Variants in LYST observed in about 807,000 individuals in gnomAD.
LYST encodes the protein lysosomal-trafficking regulator.
A neutral mutation model predicts 413.6 loss-of-function variants in LYST; 192 were observed. The observed-to-expected ratio is 0.46, with a 90% CI of 0.41 to 0.52. LYST has a LOEUF of 0.52. Among genes scored for constraint, LYST ranks in the 20% least tolerant of loss-of-function variants. The probability of loss-of-function intolerance (pLI) is 0.00; values close to 1 mark genes in which losing one functional copy is unlikely to be tolerated. For missense variants in LYST, 3,815 were observed against 4,499.9 expected (o/e 0.85, Z 4.35); for synonymous variants, 1,525 against 1,567.3 (o/e 0.97, Z 0.64).
At position 235,808,564 on chromosome 1, in the gene LYST, G is replaced by A. The variant is rs371808058; in HGVS notation, c.2254C>T (p.Leu752=). 6 of 1,613,824 alleles carry A rather than the reference G, an allele frequency of 3.7e-6. No homozygotes were observed. The highest frequency in any genetic ancestry group is 2.2e-5 in the East Asian group (1 of 44,880). ...GVELAHHCQH[L]SVTSAQSHVC... is the part of the protein sequence containing the mutation. ...TGACTTTGAGCTGAAGTAACGCTTA[G>A]GTGTTGACAATGATGTGCTAATTCA... The change falls in exon 5 of 53, where the codon CTA becomes TTA. Residue 752 remains leucine, a synonymous_variant. Coordinates refer to ENST00000389793, the MANE Select transcript of LYST (RefSeq NM_000081.4).
chr1:235,791,286 AAAAG>A (rs1165652554), intron 12 of LYST, among the ~76,000 whole-genome samples: 4 of 152,140 alleles, frequency 2.6e-5, no homozygotes, highest in Admixed American at 2.6e-4. Context: ...GTCTCAAAAA[AAAAG>A]AGAGAGAAAG....
At chr1:235,798,549 G>A (rs1224154425) in intron 10 of LYST, among the ~76,000 whole-genome samples, 1 of 118,770 alleles carries the variant, frequency 8.4e-6, no homozygotes, top group African/African-American at 3.2e-5. Flanking sequence ...CTGCACTCCA[G>A]CCTTGGCGAC....
intron 34 of LYST, 82 bp from the exon 35 acceptor site, chr1:235,731,259 T>A: frequency 8.3e-7 from 1 of 1,207,048 alleles, no homozygotes; most frequent in Non-Finnish European, 1.2e-6. Flanking sequence ...AGAGATTGAG[T>A]AAGTAAGTCA....
intron 40 of LYST, among the ~76,000 whole-genome samples, chr1:235,719,640 AAGG>A (rs1663160884): frequency 6.6e-6 from 1 of 151,348 alleles, no homozygotes; most frequent in Non-Finnish European, 1.5e-5. Context: ...AAAAAAAAAA[AAGG>A]AAAATATATA....
chr1:235,776,654 T>G (rs943603722), intron 17 of LYST, among the ~76,000 whole-genome samples: 5 of 152,004 alleles, frequency 3.3e-5, no homozygotes, highest in Non-Finnish European at 7.4e-5. Context: ...TATATGTCTC[T>G]TTTTTGAAAA....
intron 31 of LYST, among the ~76,000 whole-genome samples, chr1:235,740,804 T>G (rs551300927): frequency 6.6e-6 from 1 of 152,340 alleles, no homozygotes; most frequent in Non-Finnish European, 1.5e-5. Flanking sequence ...TTTTAATTTC[T>G]TTTTCAGGTA....
intron 1 of LYST, among the ~76,000 whole-genome samples, chr1:235,863,799 T>C (rs756559518): frequency 1.3e-5 from 2 of 152,226 alleles, no homozygotes; most frequent in African/African-American, 2.4e-5. Flanking sequence ...AAGTCACTTG[T>C]GTTTACTACT....
intron 47 of LYST, among the ~76,000 whole-genome samples, chr1:235,691,167 C>T (rs1179851258): frequency 6.6e-6 from 1 of 152,156 alleles, no homozygotes; most frequent in Non-Finnish European, 1.5e-5. Context: ...ATCCGCCCGC[C>T]TCGGCCTCCC....
chr1:235,870,156 G>C (rs1558370084), upstream of LYST, among the ~76,000 whole-genome samples: 1 of 152,090 alleles, frequency 6.6e-6, no homozygotes, highest in Non-Finnish European at 1.5e-5. Flanking sequence ...TCCCTTCTTG[G>C]GGGGTGTGGG....
chr1:235,868,789 G>A (rs1680783510), upstream of LYST, among the ~76,000 whole-genome samples: 1 of 151,970 alleles, frequency 6.6e-6, no homozygotes, highest in Non-Finnish European at 1.5e-5. Flanking sequence ...TCCGCCTCCC[G>A]GGTTCAAGTG....
intron 30 of LYST, among the ~76,000 whole-genome samples, chr1:235,743,623 A>G (rs1250776361): frequency 6.6e-6 from 1 of 152,194 alleles, no homozygotes; most frequent in East Asian, 1.9e-4. Flanking sequence ...TAGAAAAATG[A>G]GAGTAAGTAG....
chr1:235,678,856 T>G (rs1485411283), intron 48 of LYST, among the ~76,000 whole-genome samples: 2 of 152,280 alleles, frequency 1.3e-5, no homozygotes, highest in East Asian at 1.9e-4. Flanking sequence ...AGTATTATAT[T>G]GTATTTCATG....
rs1397184025 is a variant in LYST, at chr1:235,780,396, CCTGT to C, written c.5214+465_5214+468del. Among the ~76,000 whole-genome samples the C allele has an allele frequency of 7.5e-4, 114 of 151,000 alleles. 2 individuals are homozygous for C. The highest frequency in any genetic ancestry group is 1.5e-4 in the Non-Finnish European group (10 of 67,806). Reference sequence around the variant, plus strand: ...CCAAGCCTGGGTGACAGAGTGAAATCCTGTCTCTTAAAAAAAAAAATAAAAAATA... The same window carrying C: ...CCAAGCCTGGGTGACAGAGTGAAATCCTCTTAAAAAAAAAAATAAAAAATA... On this transcript the variant is annotated intron_variant, in intron 16 of 52. Transcript: ENST00000389793.
chr1:235,678,872 G>T (rs886990962), intron 48 of LYST, among the ~76,000 whole-genome samples: 5 of 151,872 alleles, frequency 3.3e-5, no homozygotes, highest in African/African-American at 1.2e-4. Context: ...TCATGTTTAT[G>T]AATTCTGAAT....
chr1:235,820,570 C>T (rs1422571938), intron 3 of LYST, among the ~76,000 whole-genome samples: 1 of 151,984 alleles, frequency 6.6e-6, no homozygotes, highest in Non-Finnish European at 1.5e-5. Flanking sequence ...GGGGTTTTGC[C>T]ATGTTGCCTA....
chr1:235,758,729 A>AAT (rs1667279138), intron 23 of LYST, among the ~76,000 whole-genome samples: 1 of 152,178 alleles, frequency 6.6e-6, no homozygotes, highest in South Asian at 2.1e-4. Context: ...ATTAAACCAC[A>AAT]ATATATATTT....
intron 44 of LYST, 49 bp from the exon 45 acceptor site, chr1:235,703,026 G>T: frequency 7.7e-7 from 1 of 1,294,786 alleles, no homozygotes; most frequent in South Asian, 1.2e-5. Context: ...TAAAAAGAAA[G>T]ACTTGACAAT....
chr1:235,758,535 T>C (rs1667262131), intron 23 of LYST, among the ~76,000 whole-genome samples: 1 of 152,202 alleles, frequency 6.6e-6, no homozygotes, highest in Admixed American at 6.5e-5. Context: ...CCTGTTCCTC[T>C]TCCCTTCTGG....
At chr1:235,677,226 A>G in intron 49 of LYST, 38 bp from the exon 50 acceptor site, 2 of 1,409,186 alleles carry the variant, frequency 1.4e-6, no homozygotes, top group Non-Finnish European at 2.0e-6. Context: ...TATGATCATT[A>G]AATATAATTA....
Sources: gnomAD v4.1 joint callset for allele counts (sites outside exome capture counted in the v4.1 genomes callset) on GRCh38, gnomAD v4.1.1 for gene constraint, MANE v1.5 for transcripts, NCBI Gene and HGNC (gene_info 2026-07-23, HGNC 2026-07-21) for gene names.